Variants in WWC1 observed in about 807,000 individuals in gnomAD.
WWC1 encodes the protein protein KIBRA.
Under a neutral mutation model 138.4 loss-of-function variants are expected in WWC1, and 55 were observed. That is an observed-to-expected ratio of 0.40 (90% CI 0.32 to 0.50). The LOEUF is 0.50. Ranked by LOEUF, WWC1 falls within the 20% of genes least tolerant of loss-of-function variation. The pLI, the probability that WWC1 is intolerant of heterozygous loss-of-function variation, is 0.72. For missense variants in WWC1, 1,226 were observed against 1,420.4 expected, an observed-to-expected ratio of 0.86 and a Z score of 2.20; for synonymous variants, 524 against 564.9, an observed-to-expected ratio of 0.93 and a Z score of 1.03.
intron 9 of WWC1, 67 bp downstream of exon 9, chr5:168,414,657 T>C: frequency 3.4e-6 from 5 of 1,478,166 alleles, no homozygotes; most frequent in Non-Finnish European, 4.5e-6. Flanking sequence ...AGCCCCCAGA[T>C]GGGGGAAGAA....
At chr5:168,362,798 C>G (rs1775976744) in intron 1 of WWC1, among the ~76,000 whole-genome samples, 1 of 152,122 alleles carries the variant, frequency 6.6e-6, no homozygotes. Flanking sequence ...GGTGTGTGAT[C>G]TCACCAACCC....
At chr5:168,445,027 A>C (rs1314195455) in intron 17 of WWC1, among the ~76,000 whole-genome samples, 1 of 152,182 alleles carries the variant, frequency 6.6e-6, no homozygotes, top group Admixed American at 6.5e-5. Flanking sequence ...TCACTTAAGA[A>C]GAAGAGGGCC....
chr5:168,358,559 G>T (rs1388762898), intron 1 of WWC1, among the ~76,000 whole-genome samples: 1 of 152,206 alleles, frequency 6.6e-6, no homozygotes, highest in Non-Finnish European at 1.5e-5. Flanking sequence ...AGTTGGATTT[G>T]CCTCTCAACT....
chr5:168,296,357 G>A (rs901814780), intron 1 of WWC1, among the ~76,000 whole-genome samples: 2 of 152,156 alleles, frequency 1.3e-5, no homozygotes, highest in South Asian at 2.1e-4. Flanking sequence ...ATGACTTGAG[G>A]ATCTTTTGCT....
intron 1 of WWC1, among the ~76,000 whole-genome samples, chr5:168,353,679 T>C (rs957879783): frequency 3.3e-5 from 5 of 152,266 alleles, no homozygotes; most frequent in Non-Finnish European, 7.3e-5. Flanking sequence ...AATCAAGCGC[T>C]TCTTGAAGCC....
intron 7 of WWC1, among the ~76,000 whole-genome samples, 159 bp downstream of exon 7, chr5:168,408,812 C>T (rs1448245828): frequency 6.6e-6 from 1 of 152,138 alleles, no homozygotes; most frequent in Non-Finnish European, 1.5e-5. Context: ...TGTTCTCTTA[C>T]AGACCTCCTG....
chr5:168,348,564 G>A (rs1291727610), intron 1 of WWC1, among the ~76,000 whole-genome samples: 1 of 152,190 alleles, frequency 6.6e-6, no homozygotes, highest in Admixed American at 6.5e-5. Context: ...CCTCAGGTGG[G>A]CCAGAGGAGA....
At position 168,414,676 on chromosome 5, in the gene WWC1, C is replaced by T. The variant is rs1168783978; in HGVS notation, c.1184+86C>T. ...CCCAGATGGGGGAAGAATGAGGGGG[C>T]TCCGGGCCCCTGGGCTCCACCCTGA... On this transcript the variant is annotated intron_variant, in intron 9 of 22. Coordinates refer to ENST00000265293, the MANE Select transcript of WWC1 (RefSeq NM_015238.3). The T allele has an allele frequency of 8.3e-6, 12 of 1,453,520 alleles. No individual in the cohort carries two copies. The South Asian group carries it at 1.2e-4, about 14-fold the overall frequency. 90.0% of individuals were successfully genotyped at this position (1,453,520 alleles called of 1,614,324 possible). A position where few individuals can be genotyped will look rare whatever the true frequency, so the allele number is the denominator to read the frequency against.
Position 168,469,204 on chromosome 5 carries a change from AACAC to A in WWC1, c.*199_*202del. On this transcript the variant is annotated 3_prime_UTR_variant, in exon 23 of 23. Transcript: ENST00000265293. ...GTTATTAAAAACAGAACAAAAACAA[AACAC>A]ACACACACACAAAAACAGAAACAAA... 1 of 582,578 alleles carries A rather than the reference AACAC, an allele frequency of 1.7e-6. No homozygotes were observed. Among genetic ancestry groups the A allele is most frequent in the Non-Finnish European group, 3.1e-6 (1 of 327,800 alleles). 36.1% of individuals were successfully genotyped at this position (582,578 alleles called of 1,614,324 possible).
At chr5:168,387,899 C>A (rs1778164589) in intron 3 of WWC1, among the ~76,000 whole-genome samples, 1 of 149,128 alleles carries the variant, frequency 6.7e-6, no homozygotes, top group South Asian at 2.1e-4. Context: ...TTTAAAGGGG[C>A]AAAGTGATTT....
chr5:168,426,568 G>A (rs17775883), intron 11 of WWC1, among the ~76,000 whole-genome samples: 6,053 of 152,326 alleles, frequency 0.04, 176 homozygotes, highest in Non-Finnish European at 0.06. Flanking sequence ...GATTAGTGCC[G>A]CTGTTCAGTC....
chr5:168,325,136 G>C (rs1229973872), intron 1 of WWC1, among the ~76,000 whole-genome samples: 1 of 152,200 alleles, frequency 6.6e-6, no homozygotes, highest in Non-Finnish European at 1.5e-5. Context: ...GCCTCATTCT[G>C]TGCATAGCAT....
At chr5:168,417,703 C>T (rs1780766490) in intron 9 of WWC1, among the ~76,000 whole-genome samples, 1 of 152,238 alleles carries the variant, frequency 6.6e-6, no homozygotes, top group Non-Finnish European at 1.5e-5. Context: ...AGGCCAGAAC[C>T]TCCACTCCTC....
chr5:168,420,440 C>T (rs1282033748), intron 9 of WWC1, among the ~76,000 whole-genome samples: 1 of 152,136 alleles, frequency 6.6e-6, no homozygotes, highest in African/African-American at 2.4e-5. Flanking sequence ...TTCTTAAAAG[C>T]CCTATCTCCA....
In WWC1 at chr5:168,455,336, A is replaced by C; in HGVS notation, c.2659-20A>C. The stretch of plus-strand genomic sequence containing the variant: ...GACTCTGTGGACACTGGTGGCTTCA[A>C]GGTGTGACTTCTTCCTCAGGTGGAC... On this transcript the variant is annotated intron_variant, in intron 18 of 22. Coordinates refer to ENST00000265293, the MANE Select transcript of WWC1 (RefSeq NM_015238.3). The C allele has an allele frequency of 6.4e-7, 1 of 1,556,464 alleles. No homozygotes were observed. The highest frequency in any genetic ancestry group is 8.7e-7 in the Non-Finnish European group (1 of 1,155,574).
intron 1 of WWC1, among the ~76,000 whole-genome samples, chr5:168,308,740 A>G (rs1770797687): frequency 6.6e-6 from 1 of 152,224 alleles, no homozygotes; most frequent in East Asian, 1.9e-4. Flanking sequence ...CCACTGATCA[A>G]GGGAATAGAT....
intron 9 of WWC1, chr5:168,415,795 G>T (rs1182205930): frequency 3.7e-5 from 1 of 27,116 alleles, no homozygotes; most frequent in Non-Finnish European, 1.1e-4. Flanking sequence ...AAGTGTGTGT[G>T]TGTGGGGGGG....
At chr5:168,308,409 G>A (rs1006153872) in intron 1 of WWC1, among the ~76,000 whole-genome samples, 1 of 152,218 alleles carries the variant, frequency 6.6e-6, no homozygotes, top group South Asian at 2.1e-4. Flanking sequence ...AGAAAGTTCT[G>A]TAGTCAGAAA....
intron 1 of WWC1, among the ~76,000 whole-genome samples, chr5:168,349,623 A>C (rs1774768997): frequency 6.6e-6 from 1 of 152,152 alleles, no homozygotes; most frequent in South Asian, 2.1e-4. Flanking sequence ...GCTGGTACCT[A>C]CATTGTGGTC....
Sources: gnomAD v4.1 joint callset for allele counts (sites outside exome capture counted in the v4.1 genomes callset) on GRCh38, gnomAD v4.1.1 for gene constraint, MANE v1.5 for transcripts, NCBI Gene and HGNC (gene_info 2026-07-23, HGNC 2026-07-21) for gene names.